B3GALT1: variants seen among roughly 807,000 people sequenced by gnomAD.
B3GALT1 encodes beta-1,3-galactosyltransferase 1.
Under a neutral mutation model 23.2 loss-of-function variants are expected in B3GALT1, and 10 were observed. That is an observed-to-expected ratio of 0.43 (90% CI 0.27 to 0.73). B3GALT1 has a LOEUF of 0.73. Ranked by LOEUF, B3GALT1 falls within the 30% of genes least tolerant of loss-of-function variation. The probability of loss-of-function intolerance (pLI) is 0.21; values close to 1 mark genes in which losing one functional copy is unlikely to be tolerated. For missense variants in B3GALT1, 299 were observed against 405.4 expected (o/e 0.74, Z 2.25); for synonymous variants, 156 against 141.5 (o/e 1.10, Z -0.73).
intron 3 of B3GALT1, among the ~76,000 whole-genome samples, chr2:167,718,526 A>G (rs1191115386): frequency 2.6e-5 from 4 of 152,232 alleles, no homozygotes; most frequent in East Asian, 3.8e-4. Context: ...TGCTAGGTTC[A>G]TGGCTGAGAC....
intron 3 of B3GALT1, among the ~76,000 whole-genome samples, chr2:167,748,240 C>G (rs554649444): frequency 6.6e-6 from 1 of 151,896 alleles, no homozygotes; most frequent in Non-Finnish European, 1.5e-5. Context: ...ACTTATTCAG[C>G]CATTGCTATA....
intron 3 of B3GALT1, among the ~76,000 whole-genome samples, chr2:167,757,457 A>G (rs927691680): frequency 1.3e-5 from 2 of 152,192 alleles, no homozygotes; most frequent in Admixed American, 6.5e-5. Flanking sequence ...GGTACACACT[A>G]GAAGTCCAAC....
At chr2:167,622,833 C>G (rs13413032) in intron 2 of B3GALT1, among the ~76,000 whole-genome samples, 4,559 of 152,060 alleles carry the variant, frequency 0.03, 238 homozygotes, top group African/African-American at 0.1. Context: ...TTGGTAGAAC[C>G]TAGGGCATTC....
chr2:167,353,630 A>C (rs781615606), intron 1 of B3GALT1, among the ~76,000 whole-genome samples: 2 of 152,144 alleles, frequency 1.3e-5, no homozygotes, highest in African/African-American at 2.4e-5. Context: ...AATACTTTTT[A>C]TTATGTAGTT....
intron 3 of B3GALT1, among the ~76,000 whole-genome samples, chr2:167,711,909 A>C (rs1687053720): frequency 6.6e-6 from 1 of 152,220 alleles, no homozygotes; most frequent in South Asian, 2.1e-4. Context: ...TGGAGGTTGC[A>C]GTAAGCTGAG....
At chr2:167,309,179 A>G (rs182943815) in intron 1 of B3GALT1, among the ~76,000 whole-genome samples, 1 of 152,058 alleles carries the variant, frequency 6.6e-6, no homozygotes, top group African/African-American at 2.4e-5. Context: ...AACTTGGTCT[A>G]TATTTGGTGC....
intron 3 of B3GALT1, among the ~76,000 whole-genome samples, chr2:167,663,442 G>A (rs1686109351): frequency 6.6e-6 from 1 of 152,110 alleles, no homozygotes. Flanking sequence ...TGTCTTTATA[G>A]CAGCACGATT....
At chr2:167,698,066 A>G (rs1686814203) in intron 3 of B3GALT1, among the ~76,000 whole-genome samples, 1 of 152,190 alleles carries the variant, frequency 6.6e-6, no homozygotes, top group African/African-American at 2.4e-5. Flanking sequence ...TAAAAAGACC[A>G]TGTTTATTTA....
intron 3 of B3GALT1, among the ~76,000 whole-genome samples, chr2:167,728,618 TG>T (rs1687358367): frequency 1.3e-5 from 2 of 152,208 alleles, no homozygotes; most frequent in Non-Finnish European, 2.9e-5. Flanking sequence ...TTGACTTGTT[TG>T]GGGGTTTGTT....
intron 1 of B3GALT1, among the ~76,000 whole-genome samples, chr2:167,376,940 A>C (rs1177984353): frequency 6.6e-6 from 1 of 152,106 alleles, no homozygotes; most frequent in Non-Finnish European, 1.5e-5. Flanking sequence ...TAGATCATTA[A>C]TTTGAGATCT....
intron 2 of B3GALT1, among the ~76,000 whole-genome samples, chr2:167,544,448 C>T (rs537300217): frequency 2.0e-5 from 3 of 152,172 alleles, no homozygotes; most frequent in East Asian, 3.9e-4. Flanking sequence ...GTGTAGGCCG[C>T]CACGCGTGGC....
intron 1 of B3GALT1, among the ~76,000 whole-genome samples, chr2:167,438,161 T>G (rs889349803): frequency 6.6e-6 from 1 of 152,214 alleles, no homozygotes; most frequent in Non-Finnish European, 1.5e-5. Context: ...AAAGAGATAA[T>G]TTCTTTGTAA....
At chr2:167,613,044 A>C (rs1418959462) in intron 2 of B3GALT1, among the ~76,000 whole-genome samples, 2 of 151,946 alleles carry the variant, frequency 1.3e-5, no homozygotes, top group African/African-American at 2.4e-5. Context: ...AAGAGGAGCA[A>C]TGGGGACAGG....
At chr2:167,792,973 A>G (rs1310808018) in intron 3 of B3GALT1, among the ~76,000 whole-genome samples, 2 of 151,856 alleles carry the variant, frequency 1.3e-5, no homozygotes, top group Non-Finnish European at 2.9e-5. Context: ...GAATAGTGCT[A>G]TTCTCTGAGC....
At chr2:167,424,418 T>C (rs940383596) in intron 1 of B3GALT1, among the ~76,000 whole-genome samples, 1 of 152,224 alleles carries the variant, frequency 6.6e-6, no homozygotes, top group Non-Finnish European at 1.5e-5. Flanking sequence ...GAAGCACAGA[T>C]GCTGGGACTT....
intron 1 of B3GALT1, among the ~76,000 whole-genome samples, chr2:167,460,839 G>A (rs778829504): frequency 6.6e-6 from 1 of 152,180 alleles, no homozygotes; most frequent in Non-Finnish European, 1.5e-5. Context: ...AAACTGAAGT[G>A]TAAACTTAAG....
intron 1 of B3GALT1, among the ~76,000 whole-genome samples, chr2:167,293,709 G>C (rs1163317719): frequency 1.3e-5 from 2 of 152,074 alleles, no homozygotes; most frequent in Non-Finnish European, 2.9e-5. Context: ...GAGGTAGAAC[G>C]CACGGAGCGC....
At chr2:167,484,207 G>A (rs1699595135) in intron 1 of B3GALT1, among the ~76,000 whole-genome samples, 2 of 152,146 alleles carry the variant, frequency 1.3e-5, no homozygotes, top group Admixed American at 1.3e-4. Flanking sequence ...CAGTAAAAAT[G>A]TATTGAGTTT....
chr2:167,608,323 G>A lies in B3GALT1; in HGVS notation c.-409-38586G>A, dbSNP rs184745529. ...TCCCACGGGAGGCATTTTAGTTTTT[G>A]TCATAATACATATTCATCTGACGTA... On this transcript the variant is annotated intron_variant, in intron 2 of 4. Coordinates refer to ENST00000392690, the MANE Select transcript of B3GALT1 (RefSeq NM_020981.4). Among the ~76,000 whole-genome samples, 4 of 152,216 alleles carry A rather than the reference G, an allele frequency of 2.6e-5. No homozygotes were observed. The East Asian group carries it at 5.8e-4, about 22-fold the overall frequency.
Sources: allele counts gnomAD v4.1 joint callset (sites outside exome capture counted in the v4.1 genomes callset), GRCh38; gene constraint gnomAD v4.1.1; transcripts MANE v1.5; gene names NCBI Gene and HGNC (gene_info 2026-07-23, HGNC 2026-07-21).